The following RAD52 variants were observed in gnomAD, a reference collection of about 807,000 sequenced individuals.
RAD52 encodes DNA repair protein RAD52 homolog.
Under a neutral mutation model 55.5 loss-of-function variants are expected in RAD52, and 47 were observed. That is an observed-to-expected ratio of 0.85 (90% CI 0.67 to 1.08). The LOEUF (loss-of-function observed/expected upper bound fraction) is 1.08. Ranked by LOEUF, RAD52 falls within the 50% of genes least tolerant of loss-of-function variation. The probability of loss-of-function intolerance (pLI) is 0.00; values close to 1 mark genes in which losing one functional copy is unlikely to be tolerated. For synonymous variants in RAD52, 184 were observed against 198.9 expected, an observed-to-expected ratio of 0.92 and a Z score of 0.63; for missense variants, 468 against 522.8, an observed-to-expected ratio of 0.90 and a Z score of 1.02.
At position 987,940 on chromosome 12, in the gene RAD52, G is replaced by A. The variant is rs184451923; in HGVS notation, c.-19+1869C>T. 6.4e-4 allele frequency among the ~76,000 whole-genome samples: 98 copies of A among 152,094 alleles called. 1 individual carries two copies. The East Asian group carries it at 0.018, about 28-fold the overall frequency. On this transcript the variant is annotated intron_variant, in intron 1 of 11. Transcript: ENST00000430095. ...GGGGTGCAGCTTCCTAAAGTGTTGG[G>A]ATTACAGGCGCGAGCCACTGCACCC... is the stretch of plus-strand genomic sequence containing the variant.
intron 7 of RAD52, among the ~76,000 whole-genome samples, chr12:923,598 G>A (rs957729913): frequency 6.6e-6 from 1 of 150,400 alleles, no homozygotes; most frequent in Admixed American, 6.6e-5. Context: ...AGGAAAGAAA[G>A]TGGAAGTAGT....
chr12:969,980 C>T (rs1054061158), intron 1 of RAD52, among the ~76,000 whole-genome samples: 6 of 151,842 alleles, frequency 4.0e-5, no homozygotes, highest in Non-Finnish European at 7.4e-5. Flanking sequence ...TGAAGTGAGA[C>T]ACATTGTCTT....
intron 1 of RAD52, among the ~76,000 whole-genome samples, chr12:987,717 T>C (rs1416638808): frequency 6.6e-6 from 1 of 152,102 alleles, no homozygotes; most frequent in African/African-American, 2.4e-5. Flanking sequence ...TATGCCACCA[T>C]ACTTGACTTA....
At chr12:944,314 A>C (rs10849596) in intron 1 of RAD52, among the ~76,000 whole-genome samples, 1 of 151,960 alleles carries the variant, frequency 6.6e-6, no homozygotes, top group East Asian at 1.9e-4. Context: ...GAGGCTCAGG[A>C]GTTCAAGACA....
At chr12:929,138 T>C (rs555777276) in intron 5 of RAD52, among the ~76,000 whole-genome samples, 2 of 152,216 alleles carry the variant, frequency 1.3e-5, no homozygotes, top group African/African-American at 4.8e-5. Flanking sequence ...AGTGCTGGGG[T>C]TACACGAATG....
At chr12:957,664 C>G (rs1958626703) in intron 1 of RAD52, among the ~76,000 whole-genome samples, 1 of 151,850 alleles carries the variant, frequency 6.6e-6, no homozygotes, top group Non-Finnish European at 1.5e-5. Flanking sequence ...GTGGCACACA[C>G]CTGTGGTCCC....
At chr12:956,650 G>T (rs1279462151) in intron 1 of RAD52, among the ~76,000 whole-genome samples, 1 of 152,128 alleles carries the variant, frequency 6.6e-6, no homozygotes, top group African/African-American at 2.4e-5. Flanking sequence ...GGGCTCAAGC[G>T]ATCTTCCTGC....
intron 1 of RAD52, among the ~76,000 whole-genome samples, chr12:935,631 A>G (rs1280021355): frequency 6.6e-6 from 1 of 151,726 alleles, no homozygotes; most frequent in Non-Finnish European, 1.5e-5. Context: ...AGGAGGGCAG[A>G]TCACCTGAGG....
At position 913,976 on chromosome 12, in the gene RAD52, T is replaced by A. The variant is rs1956225417; in HGVS notation, c.1113A>T (p.Pro371=). The change falls in exon 11 of 12, where the codon CCA becomes CCT. Residue 371 remains proline (P), a synonymous_variant. Coordinates refer to ENST00000358495, the MANE Select transcript of RAD52 (RefSeq NM_134424.4). The part of the protein sequence containing the change: ...NNQMVTQNRT[P]HSVCHQKPQA... ...GTGGTTTCTGGTGGCAAACGCTGTG[T>A]GGAGTCCTGTTCTGGGTCACCATCT... is the stretch of plus-strand genomic sequence containing the variant. The A allele has an allele frequency of 1.2e-6, 2 of 1,614,222 alleles. No individual in the cohort carries two copies. Among genetic ancestry groups the A allele is most frequent in the South Asian group, 1.1e-5 (1 of 91,088 alleles).
intron 7 of RAD52, among the ~76,000 whole-genome samples, chr12:922,120 G>A (rs1387257438): frequency 1.0e-5 from 1 of 98,640 alleles, no homozygotes; most frequent in Non-Finnish European, 1.9e-5. Context: ...AGAAAATATG[G>A]TCAACATCAC....
chr12:942,708 A>G (rs1449191607), intron 1 of RAD52, among the ~76,000 whole-genome samples: 1 of 151,566 alleles, frequency 6.6e-6, no homozygotes, highest in Non-Finnish European at 1.5e-5. Context: ...GATCGCCATC[A>G]CCGCACTCCA....
At chr12:916,506 G>A (rs761445972) in intron 8 of RAD52, 23 bp from the exon 9 acceptor site, 1 of 1,606,392 alleles carries the variant, frequency 6.2e-7, no homozygotes, top group East Asian at 2.2e-5. Flanking sequence ...GCGGCGGCGA[G>A]GACGGGCTCC....
At chr12:927,969 G>A (rs11571436) in intron 5 of RAD52, among the ~76,000 whole-genome samples, 6,354 of 152,158 alleles carry the variant, frequency 0.042, 327 homozygotes, top group African/African-American at 0.12. Context: ...ATCAGGTGGC[G>A]TCCAGCTCCT....
intron 1 of RAD52, among the ~76,000 whole-genome samples, chr12:968,631 A>C (rs1208467096): frequency 6.6e-6 from 1 of 152,144 alleles, no homozygotes; most frequent in African/African-American, 2.4e-5. Context: ...ACAAAAGGCT[A>C]ACCTAAAGCT....
chr12:956,555 GT>G (rs1246213136), intron 1 of RAD52, among the ~76,000 whole-genome samples: 2 of 152,126 alleles, frequency 1.3e-5, no homozygotes, highest in Non-Finnish European at 2.9e-5. Context: ...ATTCTGTTTT[GT>G]TTTGTTTTGA....
rs1000786263 is a variant in RAD52 at position 912,558 on chromosome 12, C to T, written c.*833G>A. 3.3e-5 allele frequency: 6 copies of T among 181,140 alleles called. No individual in the cohort carries two copies. Among genetic ancestry groups the T allele is most frequent in the Admixed American group, 6.3e-5 (1 of 15,898 alleles). 11.2% of individuals were successfully genotyped at this position (181,140 alleles called of 1,614,324 possible). A position where few individuals can be genotyped will look rare whatever the true frequency, so the allele number is the denominator to read the frequency against. ...TTTTGTTAATAAGGTATACGATTTG[C>T]TTTCTCAAAAATGCCTTTTCTGGCC... On this transcript the variant is annotated 3_prime_UTR_variant, in exon 12 of 12. Coordinates refer to ENST00000358495, the MANE Select transcript of RAD52 (RefSeq NM_134424.4).
rs574946730 is a variant in RAD52 at position 971,440 on chromosome 12, A to C, written c.-19+18369T>G. 2.6e-5 allele frequency among the ~76,000 whole-genome samples: 4 copies of C among 152,282 alleles called. No homozygotes were observed. The East Asian group carries it at 7.7e-4, about 29-fold the overall frequency. On this transcript the variant is annotated intron_variant, in intron 1 of 11. Transcript: ENST00000430095. ...CAGGTATTGCACTTAACGGAGGAAAATAAGCAGCAGTGTGCAGAGCGGGGT... is the reference window on the plus strand; with the variant it reads ...CAGGTATTGCACTTAACGGAGGAAACTAAGCAGCAGTGTGCAGAGCGGGGT...
rs1956171974 is a variant in RAD52 at position 912,848 on chromosome 12, ATTAT to A, written c.*539_*542del. On this transcript the variant is annotated 3_prime_UTR_variant, in exon 12 of 12. Coordinates refer to ENST00000358495, the MANE Select transcript of RAD52 (RefSeq NM_134424.4). Reference sequence around the variant, plus strand: ...GGATTGTAATGTCATAAATCCATAAATTATTTATATTAAATGAAGATTGTAGCCT... The same window carrying A: ...GGATTGTAATGTCATAAATCCATAAATTATATTAAATGAAGATTGTAGCCT... 1.0e-5 allele frequency: 2 copies of A among 193,780 alleles called. No homozygotes were observed. Among genetic ancestry groups the A allele is most frequent in the Non-Finnish European group, 2.1e-5 (2 of 93,112 alleles). The allele number at this position is 193,780 out of a possible 1,614,324, so 12.0% of individuals were successfully genotyped here.
intron 1 of RAD52, among the ~76,000 whole-genome samples, chr12:958,373 AC>A (rs1246892447): frequency 6.6e-6 from 1 of 151,712 alleles, no homozygotes; most frequent in Non-Finnish European, 1.5e-5. Flanking sequence ...TCGCCACCAT[AC>A]CCGGTTAATT....
Sources: gnomAD v4.1 joint callset for allele counts (sites outside exome capture counted in the v4.1 genomes callset) on GRCh38, gnomAD v4.1.1 for gene constraint, MANE v1.5 for transcripts, NCBI Gene and HGNC (gene_info 2026-07-23, HGNC 2026-07-21) for gene names.